Variants in KAZN observed in about 807,000 individuals in gnomAD.
KAZN encodes kazrin, periplakin interacting protein.
KAZN carries 40 observed loss-of-function variants against 87.4 expected under a neutral mutation model. That is an observed-to-expected ratio of 0.46 (90% CI 0.36 to 0.60). KAZN has a LOEUF of 0.60. Ranked by LOEUF, KAZN falls within the 20% of genes least tolerant of loss-of-function variation. KAZN has a pLI of 0.00. For synonymous variants in KAZN, 466 were observed against 458.3 expected, an observed-to-expected ratio of 1.02 and a Z score of -0.22; for missense variants, 898 against 1,073.9, an observed-to-expected ratio of 0.84 and a Z score of 2.29.
chr1:14,630,029 T>A (rs1679449651), intron 1 of KAZN, among the ~76,000 whole-genome samples: 1 of 149,778 alleles, frequency 6.7e-6, no homozygotes, highest in African/African-American at 2.5e-5. Context: ...CAGCTACGAA[T>A]GCAATGTCAG....
intron 1 of KAZN, among the ~76,000 whole-genome samples, chr1:14,610,671 C>T (rs1677742575): frequency 6.6e-6 from 1 of 152,064 alleles, no homozygotes; most frequent in South Asian, 2.1e-4. Context: ...CAATGGCTCC[C>T]CTGTGGAGAA....
intron 2 of KAZN, among the ~76,000 whole-genome samples, chr1:14,437,258 C>T (rs1041152718): frequency 6.6e-6 from 1 of 152,216 alleles, no homozygotes; most frequent in Non-Finnish European, 1.5e-5. Context: ...CCACATCCCA[C>T]AGCTGGGGGC....
chr1:14,241,673 C>G (rs1412880653), intron 2 of KAZN, among the ~76,000 whole-genome samples: 1 of 152,134 alleles, frequency 6.6e-6, no homozygotes, highest in Non-Finnish European at 1.5e-5. Context: ...GCCATCCTTC[C>G]CATTTCACAG....
intron 8 of KAZN, chr1:15,068,224 G>A (rs545434393): frequency 6.8e-5 from 25 of 365,802 alleles, no homozygotes; most frequent in Middle Eastern, 1.4e-3. Context: ...GGAGGCACAG[G>A]CTGGCATGAC....
At chr1:15,069,531 G>A (rs1272292530) in intron 8 of KAZN, among the ~76,000 whole-genome samples, 1 of 152,226 alleles carries the variant, frequency 6.6e-6, no homozygotes, top group Non-Finnish European at 1.5e-5. Flanking sequence ...GGAAGCTGAG[G>A]CAGGAGAATG....
intron 1 of KAZN, among the ~76,000 whole-genome samples, chr1:14,849,763 GA>G (rs1389952105): frequency 6.6e-6 from 1 of 152,096 alleles, no homozygotes; most frequent in African/African-American, 2.4e-5. Context: ...ATTAAAAATC[GA>G]ATCCAGACTG....
intron 1 of KAZN, among the ~76,000 whole-genome samples, chr1:14,737,855 C>A (rs1001743313): frequency 1.3e-5 from 2 of 152,192 alleles, no homozygotes; most frequent in African/African-American, 4.8e-5. Flanking sequence ...TCTTGGGCTG[C>A]CAATCTCCTA....
intron 2 of KAZN, among the ~76,000 whole-genome samples, chr1:14,490,667 A>G (rs1393987447): frequency 6.6e-6 from 1 of 152,006 alleles, no homozygotes; most frequent in Non-Finnish European, 1.5e-5. Context: ...TAATATTTCT[A>G]TTTTTAGCAG....
intron 1 of KAZN, among the ~76,000 whole-genome samples, chr1:14,905,393 C>T (rs890056992): frequency 1.3e-5 from 2 of 152,178 alleles, no homozygotes; most frequent in African/African-American, 4.8e-5. Context: ...AAAACTCCTG[C>T]TGGCTTGTCT....
rs1386175486 is a variant in KAZN, at chr1:14,892,099, G to A, written c.227-68585G>A. Among the ~76,000 whole-genome samples, 3 of 152,130 alleles carry A rather than the reference G, an allele frequency of 2.0e-5. No homozygotes were observed. The East Asian group carries it at 5.8e-4, about 30-fold the overall frequency. On this transcript the variant is annotated intron_variant, in intron 1 of 14. Transcript: ENST00000376030. ...CTGAAGTAAATGCCTCCTCAAGGCA[G>A]CAGGCAGAGCCCAGATGGGATGGTG...
At chr1:15,048,480 C>T (rs1353130179) in intron 4 of KAZN, among the ~76,000 whole-genome samples, 1 of 151,846 alleles carries the variant, frequency 6.6e-6, no homozygotes, top group Non-Finnish European at 1.5e-5. Context: ...TGTCAAGGCC[C>T]GAGCCCACAT....
intron 1 of KAZN, among the ~76,000 whole-genome samples, chr1:14,728,575 C>T (rs1442846232): frequency 6.6e-6 from 1 of 152,174 alleles, no homozygotes; most frequent in Non-Finnish European, 1.5e-5. Context: ...TGAATTTTAG[C>T]AGCTTGTCCT....
chr1:14,226,356 A>G (rs1377636491), intron 2 of KAZN, among the ~76,000 whole-genome samples: 1 of 152,230 alleles, frequency 6.6e-6, no homozygotes, highest in Non-Finnish European at 1.5e-5. Flanking sequence ...AATGCAAATC[A>G]AAACCACAAT....
At chr1:14,872,624 G>T (rs578164404) in intron 1 of KAZN, among the ~76,000 whole-genome samples, 1 of 152,240 alleles carries the variant, frequency 6.6e-6, no homozygotes, top group South Asian at 2.1e-4. Flanking sequence ...ATCTAAGTGG[G>T]GCCTGAAATC....
intron 1 of KAZN, among the ~76,000 whole-genome samples, chr1:14,848,709 G>A (rs75373197): frequency 0.02 from 2,997 of 152,204 alleles, 108 homozygotes; most frequent in African/African-American, 0.068. Context: ...CGCTCTCCCC[G>A]TGAGTGATTA....
chr1:15,086,084 C>T (rs1374338757), intron 8 of KAZN, among the ~76,000 whole-genome samples: 1 of 152,178 alleles, frequency 6.6e-6, no homozygotes, highest in Non-Finnish European at 1.5e-5. Context: ...GATTCTCCTG[C>T]CTCAGCCTCC....
intron 5 of KAZN, among the ~76,000 whole-genome samples, chr1:15,057,184 G>T (rs1225992788): frequency 6.6e-6 from 1 of 152,244 alleles, no homozygotes; most frequent in African/African-American, 2.4e-5. Flanking sequence ...GGACGAAGGG[G>T]CATAGGCCCT....
chr1:14,458,548 G>A (rs191290903), intron 2 of KAZN, among the ~76,000 whole-genome samples: 5 of 152,246 alleles, frequency 3.3e-5, no homozygotes, highest in Non-Finnish European at 7.4e-5. Context: ...AATTCTAGCC[G>A]CAGGATGGTC....
At chr1:14,684,997 G>A (rs1640870951) in intron 1 of KAZN, among the ~76,000 whole-genome samples, 2 of 152,210 alleles carry the variant, frequency 1.3e-5, no homozygotes, top group Admixed American at 6.5e-5. Flanking sequence ...TGTAACTGAA[G>A]TGCCATATTG....
Sources: gnomAD v4.1 joint callset for allele counts (sites outside exome capture counted in the v4.1 genomes callset) on GRCh38, gnomAD v4.1.1 for gene constraint, MANE v1.5 for transcripts, NCBI Gene and HGNC (gene_info 2026-07-23, HGNC 2026-07-21) for gene names.